MTFR1: variants seen among roughly 807,000 people sequenced by gnomAD.
MTFR1 encodes chondrocyte protein with a poly-proline region.
In MTFR1, 28 loss-of-function variants were observed where a neutral mutation model predicts 38.8. That is an observed-to-expected ratio of 0.72 (90% CI 0.53 to 0.99). The LOEUF is 0.99. Among genes scored for constraint, MTFR1 ranks in the 50% least tolerant of loss-of-function variants. The pLI is 0.00. For missense variants in MTFR1, 358 were observed against 395.5 expected, an observed-to-expected ratio of 0.91 and a Z score of 0.81; for synonymous variants, 145 against 137.0, an observed-to-expected ratio of 1.06 and a Z score of -0.41.
intron 2 of MTFR1, among the ~76,000 whole-genome samples, chr8:65,676,969 T>C (rs578218148): frequency 6.6e-6 from 1 of 151,774 alleles, no homozygotes; most frequent in South Asian, 2.1e-4. Context: ...GACACAGACA[T>C]GCATGTGCGC....
intron 2 of MTFR1, among the ~76,000 whole-genome samples, chr8:65,716,149 A>C (rs1806134146): frequency 1.0e-5 from 1 of 95,552 alleles, no homozygotes; most frequent in African/African-American, 4.0e-5. Context: ...ACCCTGTCTC[A>C]AAAAAAAAAA....
intron 3 of MTFR1, among the ~76,000 whole-genome samples, chr8:65,752,309 T>C (rs1563488208): frequency 6.6e-6 from 1 of 152,226 alleles, no homozygotes; most frequent in Non-Finnish European, 1.5e-5. Context: ...CAGTTATCTA[T>C]TTGCTTGTGT....
intron 3 of MTFR1, among the ~76,000 whole-genome samples, chr8:65,748,097 GT>G (rs199665356): frequency 1.9e-4 from 27 of 142,504 alleles, no homozygotes; most frequent in African/African-American, 2.8e-4. Context: ...ATCACGGTTT[GT>G]TTTTTTTTTT....
chr8:65,731,445 A>G (rs1806883609), intron 3 of MTFR1: 1 of 152,218 alleles, frequency 6.6e-6, no homozygotes, highest in Non-Finnish European at 1.5e-5. Context: ...TAGTTTAAGT[A>G]TAGTTATTAA....
At chr8:65,683,900 A>G (rs571714583) in intron 3 of MTFR1, among the ~76,000 whole-genome samples, 3 of 152,320 alleles carry the variant, frequency 2.0e-5, no homozygotes, top group Non-Finnish European at 4.4e-5. Flanking sequence ...CAAGAATTCA[A>G]TTCATTTAGA....
downstream of MTFR1, among the ~76,000 whole-genome samples, chr8:65,713,467 CACACACACACACACACAA>C (rs1806012691): frequency 6.6e-6 from 1 of 151,012 alleles, no homozygotes; most frequent in Admixed American, 6.6e-5. Context: ...CACACACACA[CACACACACACACACACAA>C]ACAAAACAAA....
chr8:65,713,583 C>G (rs1467543191), downstream of MTFR1, among the ~76,000 whole-genome samples: 1 of 151,972 alleles, frequency 6.6e-6, no homozygotes, highest in Non-Finnish European at 1.5e-5. Context: ...AGGTATAAGA[C>G]TAAAATATGT....
At chr8:65,700,951 A>C (rs1277732840) in intron 4 of MTFR1, among the ~76,000 whole-genome samples, 1 of 152,234 alleles carries the variant, frequency 6.6e-6, no homozygotes, top group Non-Finnish European at 1.5e-5. Flanking sequence ...CACCTGAGAC[A>C]AATGCATATC....
chr8:65,735,620 A>G (rs1317037592), intron 3 of MTFR1, among the ~76,000 whole-genome samples: 2 of 150,842 alleles, frequency 1.3e-5, no homozygotes, highest in African/African-American at 2.4e-5. Context: ...CTAATAAGCT[A>G]TTTTTGTATG....
At chr8:65,698,918 A>T (rs1238611542) in intron 4 of MTFR1, among the ~76,000 whole-genome samples, 2 of 152,014 alleles carry the variant, frequency 1.3e-5, no homozygotes, top group Non-Finnish European at 2.9e-5. Flanking sequence ...TAGTAGAGAC[A>T]GGGTTTCACC....
At chr8:65,718,253 T>C (rs1331881934) in intron 2 of MTFR1, 1 of 152,222 alleles carries the variant, frequency 6.6e-6, no homozygotes, top group Non-Finnish European at 1.5e-5. Context: ...TGGAGAAACA[T>C]AACATGCACA....
chr8:65,678,414 A>G (rs1339702081), intron 2 of MTFR1, among the ~76,000 whole-genome samples: 1 of 152,198 alleles, frequency 6.6e-6, no homozygotes, highest in Non-Finnish European at 1.5e-5. Context: ...TAAATATTTC[A>G]GTCATTAGTT....
intron 2 of MTFR1, chr8:65,718,497 G>A (rs1806236628): frequency 1.3e-5 from 2 of 152,210 alleles, no homozygotes; most frequent in African/African-American, 4.8e-5. Context: ...AACATGCAAT[G>A]TCTTCACTGC....
At chr8:65,675,728 G>T (rs1804693070) in intron 2 of MTFR1, among the ~76,000 whole-genome samples, 1 of 152,144 alleles carries the variant, frequency 6.6e-6, no homozygotes, top group African/African-American at 2.4e-5. Flanking sequence ...GAATAATTTG[G>T]CCAGCTTTAT....
At chr8:65,776,917 T>C in the MTFR1 span, among the ~76,000 whole-genome samples, 2 of 152,184 alleles carry the variant, frequency 1.3e-5, no homozygotes, top group East Asian at 3.8e-4. Context: ...ATGAAAGATA[T>C]TCTTGATTTC....
At chr8:65,657,233 G>A (rs923673503) in intron 1 of MTFR1, among the ~76,000 whole-genome samples, 11 of 151,944 alleles carry the variant, frequency 7.2e-5, no homozygotes, top group Non-Finnish European at 1.0e-4. Context: ...GGCTGGTCTC[G>A]AATTCCTGAC....
At chr8:65,671,802 C>T (rs1424171417) in intron 2 of MTFR1, among the ~76,000 whole-genome samples, 1 of 152,126 alleles carries the variant, frequency 6.6e-6, no homozygotes, top group Non-Finnish European at 1.5e-5. Context: ...CAGTTATTGC[C>T]TTCGTCTGCA....
chr8:65,765,286 G>A (rs1808713735), intron 3 of MTFR1, among the ~76,000 whole-genome samples: 1 of 151,358 alleles, frequency 6.6e-6, no homozygotes, highest in African/African-American at 2.4e-5. Flanking sequence ...TCAGGAGATC[G>A]AGACCATCCC....
At chr8:65,663,826 T>C (rs1312513531) in intron 1 of MTFR1, among the ~76,000 whole-genome samples, 1 of 142,266 alleles carries the variant, frequency 7.0e-6, no homozygotes, top group Non-Finnish European at 1.5e-5. Context: ...TCTTTTCTTT[T>C]TTTTTTTTTT....
Sources: gnomAD v4.1 joint callset for allele counts (sites outside exome capture counted in the v4.1 genomes callset) on GRCh38, gnomAD v4.1.1 for gene constraint, MANE v1.5 for transcripts, NCBI Gene and HGNC (gene_info 2026-07-23, HGNC 2026-07-21) for gene names.